TIAM1: variants seen among roughly 807,000 people sequenced by gnomAD.
The protein encoded by TIAM1 is rho guanine nucleotide exchange factor TIAM1.
A neutral mutation model predicts 163.5 loss-of-function variants in TIAM1; 65 were observed. That is an observed-to-expected ratio of 0.40 (90% CI 0.33 to 0.49). The LOEUF (loss-of-function observed/expected upper bound fraction) is 0.49, where lower values mean the gene tolerates loss of function less well. Ranked by LOEUF, TIAM1 falls within the 20% of genes least tolerant of loss-of-function variation. The pLI is 0.77. For synonymous variants in TIAM1, 833 were observed against 810.1 expected (o/e 1.03, Z -0.48); for missense variants, 1,789 against 2,044.7 (o/e 0.87, Z 2.41).
intron 1 of TIAM1, among the ~76,000 whole-genome samples, chr21:31,494,207 C>T (rs1401696873): frequency 6.6e-6 from 1 of 152,128 alleles, no homozygotes; most frequent in Non-Finnish European, 1.5e-5. Flanking sequence ...AGTCACTGTG[C>T]CCGGCCCATC....
At chr21:31,349,430 C>G (rs914630146) in intron 2 of TIAM1, among the ~76,000 whole-genome samples, 48 of 152,206 alleles carry the variant, frequency 3.2e-4, no homozygotes, top group Admixed American at 2.7e-3. Flanking sequence ...CCCACACACA[C>G]AGTAAGGCTT....
intron 1 of TIAM1, among the ~76,000 whole-genome samples, chr21:31,514,626 G>A (rs2047320133): frequency 1.3e-5 from 2 of 152,114 alleles, no homozygotes; most frequent in African/African-American, 4.8e-5. Context: ...CTGGGAGGTG[G>A]AGATTGCAGT....
chr21:31,198,713 CCA>C, intron 12 of TIAM1, among the ~76,000 whole-genome samples: 1 of 152,148 alleles, frequency 6.6e-6, no homozygotes, highest in South Asian at 2.1e-4. Flanking sequence ...TTAATCATTT[CCA>C]CAGGATCTAG....
chr21:31,435,480 T>G (rs1485930188), intron 2 of TIAM1, among the ~76,000 whole-genome samples: 2 of 152,222 alleles, frequency 1.3e-5, no homozygotes, highest in Admixed American at 6.5e-5. Context: ...ATTTGAGCCC[T>G]GAATCATTCA....
chr21:31,209,977 T>C (rs1268869087), intron 11 of TIAM1, 68 bp downstream of exon 11: 4 of 1,522,016 alleles, frequency 2.6e-6, no homozygotes, highest in Admixed American at 2.0e-5. Context: ...GGTTTCCACA[T>C]GTGCCTTAGA....
chr21:31,363,383 AC>A, intron 2 of TIAM1, among the ~76,000 whole-genome samples: 1 of 151,686 alleles, frequency 6.6e-6, no homozygotes, highest in Middle Eastern at 3.4e-3. Context: ...GATCCTTACA[AC>A]CCAACATTCT....
At chr21:31,295,490 G>A (rs112941753) in intron 2 of TIAM1, among the ~76,000 whole-genome samples, 162 of 116,216 alleles carry the variant, frequency 1.4e-3, no homozygotes, top group African/African-American at 4.9e-3. Context: ...AAAAAAAAAA[G>A]GTCTTAAAGA....
At chr21:31,147,787 A>AAAATAT (rs1555868374) in intron 19 of TIAM1, among the ~76,000 whole-genome samples, 2 of 139,854 alleles carry the variant, frequency 1.4e-5, no homozygotes, top group Non-Finnish European at 3.1e-5. Flanking sequence ...ATTATATTAA[A>AAAATAT]ATATATATAT....
intron 6 of TIAM1, among the ~76,000 whole-genome samples, chr21:31,239,654 T>C (rs778842996): frequency 2.6e-5 from 4 of 151,878 alleles, no homozygotes; most frequent in Non-Finnish European, 5.9e-5. Context: ...AGCGATGATA[T>C]ACAAAATACA....
chr21:31,494,260 T>C (rs1489531948), intron 1 of TIAM1, among the ~76,000 whole-genome samples: 1 of 151,976 alleles, frequency 6.6e-6, no homozygotes, highest in African/African-American at 2.4e-5. Flanking sequence ...TGAACACACA[T>C]AAGGCACTAA....
intron 4 of TIAM1, among the ~76,000 whole-genome samples, chr21:31,263,418 A>AT (rs2072585981): frequency 1.3e-5 from 2 of 152,216 alleles, no homozygotes; most frequent in South Asian, 4.1e-4. Context: ...CTAAGCAGTG[A>AT]TTTTATGAGA....
At chr21:31,331,022 C>A (rs1434252787) in intron 2 of TIAM1, among the ~76,000 whole-genome samples, 2 of 151,980 alleles carry the variant, frequency 1.3e-5, no homozygotes, top group African/African-American at 4.8e-5. Flanking sequence ...GCTGTAGATT[C>A]CATTATACTT....
intron 2 of TIAM1, among the ~76,000 whole-genome samples, chr21:31,454,916 G>A (rs1055000038): frequency 6.6e-6 from 1 of 152,060 alleles, no homozygotes; most frequent in African/African-American, 2.4e-5. Flanking sequence ...CTACGTCCTG[G>A]TGTCCACTAA....
chr21:31,174,475 C>A (rs1427608545), intron 15 of TIAM1, among the ~76,000 whole-genome samples: 1 of 152,232 alleles, frequency 6.6e-6, no homozygotes, highest in African/African-American at 2.4e-5. Context: ...ATCAAAGGAT[C>A]TGACTCTGCA....
chr21:31,238,850 T>C (rs1245052025), intron 6 of TIAM1, among the ~76,000 whole-genome samples: 3 of 152,122 alleles, frequency 2.0e-5, no homozygotes, highest in African/African-American at 7.2e-5. Context: ...TTGAGTTGAG[T>C]TTGGGTCCAA....
chr21:31,330,007 G>C (rs2075627424), intron 2 of TIAM1, among the ~76,000 whole-genome samples: 1 of 152,188 alleles, frequency 6.6e-6, no homozygotes, highest in South Asian at 2.1e-4. Context: ...TGGTCTGTTT[G>C]TTGCAATCAA....
intron 2 of TIAM1, among the ~76,000 whole-genome samples, chr21:31,405,197 A>G (rs1375989751): frequency 2.0e-5 from 3 of 152,192 alleles, no homozygotes; most frequent in East Asian, 1.9e-4. Context: ...ACAGTGAGCC[A>G]TGATCATGCC....
chr21:31,323,621 A>G (rs958865609), intron 2 of TIAM1, among the ~76,000 whole-genome samples: 1 of 150,616 alleles, frequency 6.6e-6, no homozygotes, highest in Non-Finnish European at 1.5e-5. Context: ...ACCTGAGGTC[A>G]GGAGTTTGAG....
At position 31,217,603 on chromosome 21, in the gene TIAM1, C is replaced by G; in HGVS notation, c.2092G>C (p.Gly698Arg). The G allele has an allele frequency of 3.7e-6, 6 of 1,614,016 alleles. No homozygotes were observed. The highest frequency in any genetic ancestry group is 4.2e-6 in the Non-Finnish European group (5 of 1,179,978). The change falls in exon 9 of 28, where the codon GGT (glycine) becomes CGT (arginine). Residue 698 changes from glycine to arginine, a missense_variant. This residue lies in a region of TIAM1 where 456 missense variants were observed against 586.6 expected (regional missense o/e 0.78). Transcript: ENST00000541036. The stretch of plus-strand genomic sequence containing the variant: ...TTCTTTTTGGAGGTAGTATCCAGAC[C>G]CCACAGAGAAGAAAACCTGCTCCTT... Reference protein sequence around the residue: ...KRRSRFSSLWGLDTTSKKKQG... With the variant: ...KRRSRFSSLWRLDTTSKKKQG...
Sources: gnomAD v4.1 joint callset for allele counts (sites outside exome capture counted in the v4.1 genomes callset) on GRCh38, gnomAD v4.1.1 for gene constraint, gnomAD v4.1.1 regional missense constraint, MANE v1.5 for transcripts, NCBI Gene and HGNC (gene_info 2026-07-23, HGNC 2026-07-21) for gene names.